The following VAC14 variants were observed in gnomAD, a reference collection of about 807,000 sequenced individuals.
VAC14 encodes protein VAC14 homolog.
A neutral mutation model predicts 85.3 loss-of-function variants in VAC14; 47 were observed. The observed-to-expected ratio is 0.55, with a 90% confidence interval of 0.44 to 0.70. The LOEUF is 0.70. Among genes scored for constraint, VAC14 ranks in the 30% least tolerant of loss-of-function variants. The pLI, the probability that VAC14 is intolerant of heterozygous loss-of-function variation, is 0.00. For synonymous variants in VAC14, 447 were observed against 430.5 expected (o/e 1.04, Z -0.47); for missense variants, 861 against 1,004.3 (o/e 0.86, Z 1.93).
intron 14 of VAC14, chr16:70,731,207 G>T: frequency 1.0e-6 from 1 of 963,400 alleles, no homozygotes; most frequent in Non-Finnish European, 1.3e-6. Flanking sequence ...GCCTGACAAT[G>T]GCATTGAATA....
chr16:70,691,503 C>T, intron 18 of VAC14: 1 of 985,458 alleles, frequency 1.0e-6, no homozygotes, highest in Non-Finnish European at 1.2e-6. Context: ...CACTCCGGCC[C>T]CAGGAACCCA....
chr16:70,744,505 G>A lies in VAC14; in HGVS notation c.1446C>T (p.Pro482=), dbSNP rs748224478. 6.2e-6 allele frequency: 10 copies of A among 1,613,772 alleles called. No homozygotes were observed. The highest frequency in any genetic ancestry group is 8.5e-6 in the Non-Finnish European group (10 of 1,179,968). ...SPAGQTDDPG[P]LDGPDLQASH... The stretch of plus-strand genomic sequence containing the variant: ...TGGCCTGGAGGTCAGGGCCATCGAG[G>A]GGGCCTGGGTCATCCGTCTGGCCTG... The change falls in exon 13 of 19, where the codon CCC becomes CCT. Residue 482 remains proline (P), a synonymous_variant. Transcript: ENST00000261776.
Position 70,783,047 on chromosome 16 carries a change from T to C in VAC14, c.797A>G (p.His266Arg). The change falls in exon 7 of 19, where the codon CAC becomes CGC. Residue 266 changes from histidine to arginine, a missense_variant. Coordinates refer to ENST00000261776, the MANE Select transcript of VAC14 (RefSeq NM_018052.5). ...CCAATACTCACCTGTTGTCTGGCAG[T>C]GGATCACCAGGATGTTGGCCATCTC... Reference protein sequence around the residue: ...FAEMANILVIHCQTTDDLIQL... With the variant: ...FAEMANILVIRCQTTDDLIQL... 6.2e-7 allele frequency: 1 copy of C among 1,614,158 alleles called. No homozygotes were observed. Among genetic ancestry groups the C allele is most frequent in the Non-Finnish European group, 8.5e-7 (1 of 1,179,970 alleles).
chr16:70,783,091 G>C lies in VAC14; in HGVS notation c.753C>G (p.Pro251=), dbSNP rs769025042. Residue 251 remains proline, a synonymous_variant, in exon 7 of 19, where the codon CCC becomes CCG. Transcript: ENST00000261776. ...CCATCTCAGCAAACTTCACACTGGA[G>C]GGGTTCTTCTTAATTTCTTTTAAGA... ...GEFLKEIKKN[P]SSVKFAEMAN... 3.7e-6 allele frequency: 6 copies of C among 1,614,054 alleles called. No individual in the cohort carries two copies. The highest frequency in any genetic ancestry group is 5.1e-6 in the Non-Finnish European group (6 of 1,180,042).
chr16:70,782,888 G>C, intron 7 of VAC14, 145 bp downstream of exon 7: 1 of 750,932 alleles, frequency 1.3e-6, no homozygotes, highest in Non-Finnish European at 2.2e-6. Flanking sequence ...CCTCTCCCAG[G>C]GCCCACTGTC....
In VAC14 at chr16:70,758,431, C is replaced by T. The variant is rs146741097; in HGVS notation, c.1371+4109G>A. ...CATGGCCACCTGTCTGGGATGTTCA[C>T]GTTCACTCACAGGGGAATAGACATC... On this transcript the variant is annotated intron_variant, in intron 12 of 18. Transcript: ENST00000261776. 5.1e-4 allele frequency among the ~76,000 whole-genome samples: 78 copies of T among 152,304 alleles called. 1 individual carries two copies. Among genetic ancestry groups the T allele is most frequent in the African/African-American group, 1.8e-3 (75 of 41,566 alleles).
chr16:70,716,615 ACT>A (rs1160552868), intron 14 of VAC14: 1 of 151,852 alleles, frequency 6.6e-6, no homozygotes, highest in African/African-American at 2.4e-5. Context: ...CCTGACTGAG[ACT>A]CTCTGGGACT....
intron 7 of VAC14, 127 bp downstream of exon 7, chr16:70,782,906 C>T: frequency 1.1e-6 from 1 of 880,440 alleles, no homozygotes; most frequent in Non-Finnish European, 1.8e-6. Context: ...GTCACACTGG[C>T]TAATATTCCT....
rs1187819150 is a variant in VAC14, at chr16:70,762,804, T to C, written c.1305+77A>G. 2 of 1,602,654 alleles carry C rather than the reference T, an allele frequency of 1.2e-6. No homozygotes were observed. Among genetic ancestry groups the C allele is most frequent in the Non-Finnish European group, 1.7e-6 (2 of 1,173,260 alleles). ...CCTAGAAGGGCAATGACCAAAATGC[T>C]ACCAACTATGGGCAGGCCCTGGAAA... On this transcript the variant is annotated intron_variant, in intron 11 of 18. Coordinates refer to ENST00000261776, the MANE Select transcript of VAC14 (RefSeq NM_018052.5). This position sits in a 1 kb window ranked among gnomAD's most constrained non-coding sequence, Gnocchi z 4.1.
intron 14 of VAC14, among the ~76,000 whole-genome samples, chr16:70,704,383 G>C (rs1158871523): frequency 6.6e-6 from 1 of 152,120 alleles, no homozygotes; most frequent in East Asian, 1.9e-4. Flanking sequence ...TGGGGGCAGG[G>C]GCCACACACT....
chr16:70,721,443 G>A (rs979262730), intron 14 of VAC14, among the ~76,000 whole-genome samples: 1 of 152,086 alleles, frequency 6.6e-6, no homozygotes, highest in Non-Finnish European at 1.5e-5. Context: ...AGACGAGGGG[G>A]AGGAAGGAAG....
chr16:70,783,139 C>T lies in VAC14; in HGVS notation c.705G>A (p.Met235Ile). 1.2e-6 allele frequency: 2 copies of T among 1,613,538 alleles called. No homozygotes were observed. Among genetic ancestry groups the T allele is most frequent in the Non-Finnish European group, 8.5e-7 (1 of 1,179,712 alleles). Reference sequence around the variant, plus strand: ...AGAATTCTCCAAGAACAACCTCACACCTATGAACAAGAACAGGAAAGTGGA... The same window carrying T: ...AGAATTCTCCAAGAACAACCTCACATCTATGAACAAGAACAGGAAAGTGGA... ...LGDNGKEIRK[M>I]CEVVLGEFLK... Residue 235 changes from methionine to isoleucine, a missense_variant and splice_region_variant, in exon 7 of 19, where the codon ATG becomes ATA. By Grantham distance (10) the Met-to-Ile change is conservative. Around this residue, in one of 3 missense-constraint regions of VAC14, gnomAD observed 629 missense variants for 703.1 expected, o/e 0.89. Coordinates refer to ENST00000261776, the MANE Select transcript of VAC14 (RefSeq NM_018052.5).
At position 70,800,862 on chromosome 16, in the gene VAC14, G is replaced by A; in HGVS notation, c.39C>T (p.Asn13=). Residue 13 remains asparagine (N), a synonymous_variant, in exon 1 of 19, where the codon AAC becomes AAT. Transcript: ENST00000261776. ...GCTTGTCATTGAGGGCGCGCACGAT[G>A]TTAGGCGTGAGCGGCGCGAAATCCT... The part of the protein sequence containing the change: ...PEKDFAPLTP[N]IVRALNDKLY... 6.2e-7 allele frequency: 1 copy of A among 1,607,220 alleles called. No individual in the cohort carries two copies. Among genetic ancestry groups the A allele is most frequent in the East Asian group, 2.3e-5 (1 of 43,790 alleles).
At chr16:70,756,024 G>A in intron 12 of VAC14, 1 of 456,770 alleles carries the variant, frequency 2.2e-6, no homozygotes, top group Non-Finnish European at 4.4e-6. Context: ...AGGCAGATGA[G>A]CCCTGGGACC....
In VAC14 at chr16:70,783,516, C is replaced by T; in HGVS notation, c.633G>A (p.Leu211=). 1 of 1,614,038 alleles carries T rather than the reference C, an allele frequency of 6.2e-7. No homozygotes were observed. The highest frequency in any genetic ancestry group is 8.5e-7 in the Non-Finnish European group (1 of 1,180,028). ...VLESVPDINL[L]DYLPEILDGL... Reference sequence around the variant, plus strand: ...CATCCAGGATCTCCGGCAGGTAATCCAGCAGGTTAATGTCTGGCACCGACT... The same window carrying T: ...CATCCAGGATCTCCGGCAGGTAATCTAGCAGGTTAATGTCTGGCACCGACT... The change falls in exon 6 of 19, where the codon CTG becomes CTA. Residue 211 remains leucine (L), a synonymous_variant. Transcript: ENST00000261776.
At chr16:70,726,090 T>C (rs4985423) in intron 14 of VAC14, among the ~76,000 whole-genome samples, 19,704 of 152,314 alleles carry the variant, frequency 0.13, 1,548 homozygotes, top group Middle Eastern at 0.22. Flanking sequence ...ATCACAGCTG[T>C]CGGGTCACGC....
At chr16:70,728,049 T>C (rs996227220) in intron 14 of VAC14, among the ~76,000 whole-genome samples, 2 of 152,180 alleles carry the variant, frequency 1.3e-5, no homozygotes, top group African/African-American at 4.8e-5. Flanking sequence ...AGCCACAAGG[T>C]TCCTTCTGTC....
chr16:70,791,673 C>T (rs1230976566), intron 1 of VAC14, among the ~76,000 whole-genome samples: 1 of 152,198 alleles, frequency 6.6e-6, no homozygotes, highest in Non-Finnish European at 1.5e-5. Flanking sequence ...GCATGAGCCA[C>T]CATGCCTGGA....
intron 14 of VAC14, among the ~76,000 whole-genome samples, chr16:70,710,187 G>A (rs1379507897): frequency 6.6e-6 from 1 of 152,230 alleles, no homozygotes; most frequent in African/African-American, 2.4e-5. Flanking sequence ...CAGAACTTGG[G>A]TTTCTGACCT....
Sources: gnomAD v4.1 joint callset for allele counts (sites outside exome capture counted in the v4.1 genomes callset) on GRCh38, gnomAD v4.1.1 for gene constraint, gnomAD v4.1.1 regional missense constraint, Gnocchi (gnomAD v3.1) non-coding constraint, MANE v1.5 for transcripts, NCBI Gene and HGNC (gene_info 2026-07-23, HGNC 2026-07-21) for gene names.